Variants in KIF18A observed in about 807,000 individuals in gnomAD.
The protein encoded by KIF18A is kinesin-like protein KIF18A.
A neutral mutation model predicts 103.3 loss-of-function variants in KIF18A; 67 were observed. That is an observed-to-expected ratio of 0.65 (90% CI 0.53 to 0.79). The LOEUF (loss-of-function observed/expected upper bound fraction) is 0.79. Among genes scored for constraint, KIF18A ranks in the 30% least tolerant of loss-of-function variants. KIF18A has a pLI of 0.00. For missense variants in KIF18A, 1,032 were observed against 1,062.5 expected (o/e 0.97, Z 0.40); for synonymous variants, 367 against 355.5 (o/e 1.03, Z -0.36).
intron 9 of KIF18A, among the ~76,000 whole-genome samples, chr11:28,079,953 T>C (rs375789137): frequency 6.6e-6 from 1 of 152,100 alleles, no homozygotes; most frequent in Non-Finnish European, 1.5e-5. Context: ...AGAAGCTTAG[T>C]AGAAACCTCT....
chr11:28,031,634 A>T (rs1850410489), intron 15 of KIF18A, among the ~76,000 whole-genome samples: 1 of 152,022 alleles, frequency 6.6e-6, no homozygotes, highest in South Asian at 2.1e-4. Flanking sequence ...TACATATGTA[A>T]CAAACCTGCA....
At chr11:28,066,782 AATTATATTAT>A (rs11273276) in intron 11 of KIF18A, among the ~76,000 whole-genome samples, 5,624 of 142,406 alleles carry the variant, frequency 0.039, 168 homozygotes, top group Admixed American at 0.084. Context: ...CTGGAAGAGA[AATTATATTAT>A]ATTATATTAT....
chr11:28,058,077 G>A (rs1254669373), intron 13 of KIF18A, among the ~76,000 whole-genome samples: 1 of 152,126 alleles, frequency 6.6e-6, no homozygotes, highest in East Asian at 1.9e-4. Flanking sequence ...TCTGAGAAGA[G>A]TTGAAGGTGG....
intron 13 of KIF18A, chr11:28,056,924 C>T (rs1419045901): frequency 5.1e-6 from 2 of 393,014 alleles, no homozygotes; most frequent in African/African-American, 2.3e-5. Flanking sequence ...GAGTGAGGGG[C>T]TAATAAACAC....
chr11:28,102,624 A>G (rs1436636619), intron 1 of KIF18A, among the ~76,000 whole-genome samples: 1 of 152,198 alleles, frequency 6.6e-6, no homozygotes, highest in Non-Finnish European at 1.5e-5. Context: ...ATAATGTCAA[A>G]TATAACTTTG....
rs745838903 is a variant in KIF18A, at chr11:28,036,380, G to T, written c.2233C>A (p.Leu745Met). 1 of 1,611,196 alleles carries T rather than the reference G, an allele frequency of 6.2e-7. No homozygotes were observed. The highest frequency in any genetic ancestry group is 8.5e-7 in the Non-Finnish European group (1 of 1,178,224). Residue 745 changes from leucine (L) to methionine (M), a missense_variant, in exon 14 of 17, where the codon CTG (leucine) becomes ATG (methionine). Physicochemically the swap from Leu to Met is conservative, Grantham distance 15. Coordinates refer to ENST00000263181, the MANE Select transcript of KIF18A (RefSeq NM_031217.4). ...ISSNINSDNCLKMLCEVAIPH... is the reference protein window; with the variant it reads ...ISSNINSDNCMKMLCEVAIPH... ...ATAGCTACTTCACACAACATTTTCAGACAATTATCACTGTTTATGTTTGAG... is the reference window on the plus strand; with the variant it reads ...ATAGCTACTTCACACAACATTTTCATACAATTATCACTGTTTATGTTTGAG...
chr11:28,081,805 A>C (rs1362086512), intron 9 of KIF18A, among the ~76,000 whole-genome samples: 1 of 152,140 alleles, frequency 6.6e-6, no homozygotes, highest in East Asian at 1.9e-4. Flanking sequence ...TGACGGATCT[A>C]GGCAAAATAA....
chr11:28,062,573 T>C, intron 11 of KIF18A, 57 bp from the exon 12 acceptor site: 2 of 1,348,022 alleles, frequency 1.5e-6, no homozygotes, highest in Non-Finnish European at 2.0e-6. Flanking sequence ...TGAAATTAAA[T>C]CAGTTTAATA....
In KIF18A at chr11:28,088,737, A is replaced by G; in HGVS notation, c.700-16T>C. ...GCAAGTAAATCTTTTTGAAATTACA[A>G]AATAGAAAAAAATGAGGATAAGATT... On this transcript the variant is annotated splice_polypyrimidine_tract_variant and intron_variant, in intron 5 of 16. Transcript: ENST00000263181. 1 of 1,585,170 alleles carries G rather than the reference A, an allele frequency of 6.3e-7. No individual in the cohort carries two copies. The highest frequency in any genetic ancestry group is 8.6e-7 in the Non-Finnish European group (1 of 1,157,366).
chr11:28,033,533 A>G (rs923076407), intron 15 of KIF18A, among the ~76,000 whole-genome samples: 2 of 151,864 alleles, frequency 1.3e-5, no homozygotes, highest in African/African-American at 4.8e-5. Context: ...CAGCCATGAA[A>G]CAAGAATGAG....
chr11:28,025,363 T>C lies in KIF18A; in HGVS notation c.2505-1513A>G, dbSNP rs74881633. On this transcript the variant is annotated intron_variant, in intron 15 of 16. Transcript: ENST00000263181. ...CAAGGCAGAAATTCTTTTTTGATCA[T>C]TTGGTGATTTTATTTTTTCAAATAT... 3.5e-3 allele frequency among the ~76,000 whole-genome samples: 527 copies of C among 152,198 alleles called. 1 individual carries two copies. Among genetic ancestry groups the C allele is most frequent in the Non-Finnish European group, 6.1e-3 (412 of 67,920 alleles).
At chr11:28,034,327 C>T (rs1295244530) in intron 15 of KIF18A, among the ~76,000 whole-genome samples, 1 of 151,694 alleles carries the variant, frequency 6.6e-6, no homozygotes, top group African/African-American at 2.4e-5. Flanking sequence ...AAGTGCCAAA[C>T]ATTGATGCAG....
At chr11:28,031,985 G>C (rs1232723483) in intron 15 of KIF18A, among the ~76,000 whole-genome samples, 5 of 151,392 alleles carry the variant, frequency 3.3e-5, no homozygotes, top group Admixed American at 3.3e-4. Context: ...CATATATTTG[G>C]AAAAACGTAG....
At chr11:28,076,266 G>A (rs1851090031) in intron 10 of KIF18A, among the ~76,000 whole-genome samples, 1 of 152,090 alleles carries the variant, frequency 6.6e-6, no homozygotes, top group South Asian at 2.1e-4. Context: ...CCCCTGCCCT[G>A]GCACATCTAA....
At chr11:28,096,585 G>C (rs1396586598) in intron 2 of KIF18A, among the ~76,000 whole-genome samples, 2 of 152,108 alleles carry the variant, frequency 1.3e-5, no homozygotes, top group East Asian at 3.9e-4. Flanking sequence ...AATCTCTAGA[G>C]ACATATGAAG....
chr11:28,064,294 T>A (rs1468371228), intron 11 of KIF18A, among the ~76,000 whole-genome samples: 1 of 151,956 alleles, frequency 6.6e-6, no homozygotes, highest in Non-Finnish European at 1.5e-5. Flanking sequence ...TTGAAACAAA[T>A]GTCACCTTAA....
At chr11:28,062,278 C>T (rs1301548436) in intron 12 of KIF18A, 117 bp downstream of exon 12, 7 of 866,570 alleles carry the variant, frequency 8.1e-6, no homozygotes, top group Non-Finnish European at 1.2e-5. Context: ...CAGACAGACA[C>T]TTAAAAATAA....
chr11:28,056,942 C>T, intron 13 of KIF18A: 1 of 386,466 alleles, frequency 2.6e-6, no homozygotes, highest in Non-Finnish European at 5.1e-6. Context: ...CACCAGATCC[C>T]AAGAAAATTC....
At chr11:28,087,206 T>C (rs1208157691) in intron 6 of KIF18A, among the ~76,000 whole-genome samples, 9 of 152,198 alleles carry the variant, frequency 5.9e-5, no homozygotes, top group Admixed American at 5.9e-4. Flanking sequence ...TAGGTATTTC[T>C]CCTAATGCTA....
Sources: allele counts gnomAD v4.1 joint callset (sites outside exome capture counted in the v4.1 genomes callset), GRCh38; gene constraint gnomAD v4.1.1; transcripts MANE v1.5; gene names NCBI Gene and HGNC (gene_info 2026-07-23, HGNC 2026-07-21).